Variants in R3HDM2 observed in about 807,000 individuals in gnomAD.
R3HDM2 encodes the protein R3H domain-containing protein 2.
Under a neutral mutation model 124.5 loss-of-function variants are expected in R3HDM2, and 38 were observed. The observed-to-expected ratio is 0.31, with a 90% CI of 0.24 to 0.40. The LOEUF (loss-of-function observed/expected upper bound fraction) is 0.40, where lower values mean the gene tolerates loss of function less well. Among genes scored for constraint, R3HDM2 ranks in the 10% least tolerant of loss-of-function variants. The pLI is 1.00. For missense variants in R3HDM2, 869 were observed against 1,236.9 expected, an observed-to-expected ratio of 0.70 and a Z score of 4.46; for synonymous variants, 391 against 448.0, an observed-to-expected ratio of 0.87 and a Z score of 1.61.
At chr12:57,378,416 G>A (rs1390745338) in intron 2 of R3HDM2, among the ~76,000 whole-genome samples, 1 of 152,032 alleles carries the variant, frequency 6.6e-6, no homozygotes, top group African/African-American at 2.4e-5. Context: ...GTCTTGCTCT[G>A]TTGTCCAGGC....
intron 2 of R3HDM2, among the ~76,000 whole-genome samples, chr12:57,330,597 G>A (rs1438679351): frequency 1.5e-4 from 21 of 143,424 alleles, no homozygotes; most frequent in Middle Eastern, 4.2e-3. Flanking sequence ...CACCCGCCTT[G>A]GCCTCCCAAA....
chr12:57,324,427 T>C (rs762672954), intron 2 of R3HDM2, among the ~76,000 whole-genome samples: 8 of 152,080 alleles, frequency 5.3e-5, no homozygotes, highest in Non-Finnish European at 1.0e-4. Flanking sequence ...AGGTGATCCA[T>C]CTGCCTCAGC....
At chr12:57,332,358 T>A (rs2058313321) in intron 2 of R3HDM2, among the ~76,000 whole-genome samples, 1 of 130,848 alleles carries the variant, frequency 7.6e-6, no homozygotes. Context: ...AAGGCTACAG[T>A]GAGCTGTGAC....
chr12:57,310,146 G>T, intron 3 of R3HDM2, 118 bp downstream of exon 3: 1 of 615,570 alleles, frequency 1.6e-6, no homozygotes, highest in Non-Finnish European at 2.6e-6. Context: ...GGAGTTTGAG[G>T]GTGCAGTGGG....
intron 2 of R3HDM2, among the ~76,000 whole-genome samples, chr12:57,320,281 A>AAAAAAAAAAAAAAAAAAAAAAAC: frequency 6.8e-6 from 1 of 147,692 alleles, no homozygotes; most frequent in Non-Finnish European, 1.5e-5. Context: ...AAAAAAAAAA[A>AAAAAAAAAAAAAAAAAAAAAAAC]AAAAAAAGCC....
intron 2 of R3HDM2, among the ~76,000 whole-genome samples, chr12:57,385,068 C>T (rs187894244): frequency 6.6e-6 from 1 of 151,824 alleles, no homozygotes; most frequent in East Asian, 2.0e-4. Flanking sequence ...ACTGCTTGAA[C>T]CCAGGAGGTG....
At chr12:57,311,888 T>A (rs1237429187) in intron 2 of R3HDM2, among the ~76,000 whole-genome samples, 1 of 152,154 alleles carries the variant, frequency 6.6e-6, no homozygotes, top group African/African-American at 2.4e-5. Context: ...ACCTGGGAAA[T>A]CCTGTAATGA....
chr12:57,315,797 C>T (rs1262583460), intron 2 of R3HDM2, among the ~76,000 whole-genome samples: 1 of 152,196 alleles, frequency 6.6e-6, no homozygotes, highest in African/African-American at 2.4e-5. Flanking sequence ...ACCCATAAAA[C>T]AGACTCATTT....
At chr12:57,325,478 C>T (rs1321539206) in intron 2 of R3HDM2, among the ~76,000 whole-genome samples, 1 of 152,110 alleles carries the variant, frequency 6.6e-6, no homozygotes, top group Non-Finnish European at 1.5e-5. Flanking sequence ...TGAGATGATA[C>T]CAGAGTGGAA....
rs561143677 is a variant in R3HDM2, at chr12:57,405,673, T to C, written c.-105-9855A>G. On this transcript the variant is annotated intron_variant, in intron 1 of 23. Coordinates refer to ENST00000402412, the MANE Select transcript of R3HDM2 (RefSeq NM_001394031.1). Reference sequence around the variant, plus strand: ...CCAACCTACAGTCCAAATGTTGAATTGGAAATACTGACATGAACTTAGGAT... The same window carrying C: ...CCAACCTACAGTCCAAATGTTGAATCGGAAATACTGACATGAACTTAGGAT... 2.0e-5 allele frequency among the ~76,000 whole-genome samples: 3 copies of C among 152,270 alleles called. No homozygotes were observed. The South Asian group carries it at 6.2e-4, about 32-fold the overall frequency.
chr12:57,386,854 A>G (rs2065910127), intron 2 of R3HDM2, among the ~76,000 whole-genome samples: 1 of 152,152 alleles, frequency 6.6e-6, no homozygotes, highest in Non-Finnish European at 1.5e-5. Flanking sequence ...TGTCTAGCTC[A>G]GGGTTTGTGA....
chr12:57,294,221 G>C (rs1182649242), intron 10 of R3HDM2, among the ~76,000 whole-genome samples: 2 of 152,130 alleles, frequency 1.3e-5, no homozygotes, highest in African/African-American at 4.8e-5. Context: ...CAGACAGAAA[G>C]TACACAGAAA....
chr12:57,406,231 G>A (rs1168309310), intron 1 of R3HDM2, among the ~76,000 whole-genome samples: 2 of 149,518 alleles, frequency 1.3e-5, no homozygotes, highest in Non-Finnish European at 3.0e-5. Flanking sequence ...TGAGGCAGGA[G>A]AATCGCTTGA....
intron 3 of R3HDM2, among the ~76,000 whole-genome samples, chr12:57,303,590 AAC>A (rs1435102056): frequency 6.6e-6 from 1 of 152,018 alleles, no homozygotes; most frequent in African/African-American, 2.4e-5. Context: ...CAAAAAAAAA[AAC>A]AAAACCAAAA....
chr12:57,360,013 A>ATG (rs2061697231), intron 2 of R3HDM2, among the ~76,000 whole-genome samples: 2 of 90,320 alleles, frequency 2.2e-5, no homozygotes, highest in Non-Finnish European at 4.8e-5. Context: ...ATAAATATAT[A>ATG]TATATATATA....
At chr12:57,268,900 T>C (rs1475276468) in intron 17 of R3HDM2, 22 bp downstream of exon 17, 2 of 1,611,550 alleles carry the variant, frequency 1.2e-6, no homozygotes, top group East Asian at 4.5e-5. Flanking sequence ...GGGTGATCCT[T>C]CCCAATGCAG....
At chr12:57,270,828 C>T (rs1447726139) in intron 14 of R3HDM2, among the ~76,000 whole-genome samples, 1 of 152,164 alleles carries the variant, frequency 6.6e-6, no homozygotes, top group Non-Finnish European at 1.5e-5. Flanking sequence ...CTCAGCCTCC[C>T]AAAGTGCTGG....
At chr12:57,368,206 A>T (rs182950258) in intron 2 of R3HDM2, among the ~76,000 whole-genome samples, 7 of 152,068 alleles carry the variant, frequency 4.6e-5, no homozygotes, top group East Asian at 1.9e-4. Flanking sequence ...TCTACTTTTT[A>T]AAAAAAATTC....
At chr12:57,419,306 G>C (rs1220179365) in intron 1 of R3HDM2, among the ~76,000 whole-genome samples, 3 of 151,800 alleles carry the variant, frequency 2.0e-5, no homozygotes, top group African/African-American at 7.3e-5. Context: ...ACCATGCCTG[G>C]CTAATTTTTT....
Sources: allele counts gnomAD v4.1 joint callset (sites outside exome capture counted in the v4.1 genomes callset), GRCh38; gene constraint gnomAD v4.1.1; transcripts MANE v1.5; gene names NCBI Gene and HGNC (gene_info 2026-07-23, HGNC 2026-07-21).